The following CDC42EP4 variants were observed in gnomAD, a reference collection of about 807,000 sequenced individuals.
The protein encoded by CDC42EP4 is CDC42 effector protein 4, also known as CDC42 effector protein (Rho GTPase binding) 4.
CDC42EP4 carries 6 observed loss-of-function variants against 5.6 expected under a neutral mutation model. The observed-to-expected ratio is 1.07, with a 90% CI of 0.59 to 2.12. The LOEUF is 2.12. Ranked by LOEUF, CDC42EP4 falls within the 30% of genes most tolerant of loss-of-function variation. The probability of loss-of-function intolerance (pLI) is 0.00; values close to 1 mark genes in which losing one functional copy is unlikely to be tolerated. For synonymous variants in CDC42EP4, 230 were observed against 224.2 expected, an observed-to-expected ratio of 1.03 and a Z score of -0.23; for missense variants, 490 against 508.6, an observed-to-expected ratio of 0.96 and a Z score of 0.35.
At position 73,286,534 on chromosome 17, in the gene CDC42EP4, A is replaced by G. The variant is rs1481720605; in HGVS notation, c.-34T>C. The G allele has an allele frequency of 6.6e-7, 1 of 1,518,948 alleles. No homozygotes were observed. Among genetic ancestry groups the G allele is most frequent in the African/African-American group, 1.4e-5 (1 of 72,966 alleles). 94.1% of individuals were successfully genotyped at this position (1,518,948 alleles called of 1,614,324 possible). A position where few individuals can be genotyped will look rare whatever the true frequency, so the allele number is the denominator to read the frequency against. On this transcript the variant is annotated 5_prime_UTR_variant, in exon 2 of 2. Coordinates refer to ENST00000335793, the MANE Select transcript of CDC42EP4 (RefSeq NM_012121.5). The surrounding 1 kb of genome is among the most constrained non-coding windows in gnomAD (Gnocchi z 7.7). Reference sequence around the variant, plus strand: ...ATGGGCGGGGAGGTGGGCCCTCCCGAGGTAGCCGGCAGGTCTGGGGTCAGA... The same window carrying G: ...ATGGGCGGGGAGGTGGGCCCTCCCGGGGTAGCCGGCAGGTCTGGGGTCAGA...
At chr17:73,297,001 A>AAAAAAAAAAAACAAAAAAAAAACAC (rs547362762) in intron 1 of CDC42EP4, among the ~76,000 whole-genome samples, 1 of 61,734 alleles carries the variant, frequency 1.6e-5, no homozygotes, top group Non-Finnish European at 3.3e-5. Context: ...AAAAAAAAAA[A>AAAAAAAAAAAACAAAAAAAAAACAC]AAATACACAA....
chr17:73,289,852 GAAGA>G (rs966089123), intron 1 of CDC42EP4, among the ~76,000 whole-genome samples: 33 of 149,606 alleles, frequency 2.2e-4, no homozygotes, highest in African/African-American at 6.9e-4. Flanking sequence ...GAAAGGAAGA[GAAGA>G]AAGGAAGAAA....
At chr17:73,294,469 G>A (rs543451099) in intron 1 of CDC42EP4, among the ~76,000 whole-genome samples, 1 of 152,170 alleles carries the variant, frequency 6.6e-6, no homozygotes, top group South Asian at 2.1e-4. Flanking sequence ...AAATACCTGG[G>A]TGTGGAGGGA....
intron 1 of CDC42EP4, among the ~76,000 whole-genome samples, chr17:73,296,587 C>T (rs2062186960): frequency 6.6e-6 from 1 of 152,120 alleles, no homozygotes; most frequent in African/African-American, 2.4e-5. Context: ...TACCAAATGG[C>T]ATTAAATGGA....
intron 1 of CDC42EP4, among the ~76,000 whole-genome samples, chr17:73,289,899 AAAAG>A (rs1599430711): frequency 6.6e-6 from 1 of 152,088 alleles, no homozygotes; most frequent in African/African-American, 2.4e-5. Context: ...AAGAAAGAGA[AAAAG>A]AAGCAGCAGA....
chr17:73,303,497 AC>A (rs1387526571), intron 1 of CDC42EP4, among the ~76,000 whole-genome samples: 5 of 152,004 alleles, frequency 3.3e-5, no homozygotes, highest in Non-Finnish European at 7.4e-5. Context: ...CCCTGTCTCT[AC>A]TAAAAATACA....
rs137944704 is a variant in CDC42EP4 at position 73,297,323 on chromosome 17, A to C, written c.-112-10711T>G. Among the ~76,000 whole-genome samples, 609 of 148,998 alleles carry C rather than the reference A, an allele frequency of 4.1e-3. 3 individuals are homozygous for C. The highest frequency in any genetic ancestry group is 0.014 in the African/African-American group (562 of 40,286). ...AAAAAAAAAAAAACACACACACACA[A>C]ATTAGCCAGGTGTTGTGGCGCGTGC... On this transcript the variant is annotated intron_variant, in intron 1 of 1. Transcript: ENST00000335793.
intron 1 of CDC42EP4, among the ~76,000 whole-genome samples, chr17:73,307,521 C>G (rs2145329698): frequency 6.7e-6 from 1 of 150,200 alleles, no homozygotes; most frequent in African/African-American, 2.4e-5. Flanking sequence ...GATCTCGGCT[C>G]ACTGCAAGCT....
chr17:73,290,728 C>G (rs1309418647), intron 1 of CDC42EP4, among the ~76,000 whole-genome samples: 3 of 152,188 alleles, frequency 2.0e-5, no homozygotes, highest in African/African-American at 7.2e-5. Flanking sequence ...TGTGGATGGT[C>G]AGAACCGGGT....
chr17:73,293,590 G>A (rs1157082940), intron 1 of CDC42EP4, among the ~76,000 whole-genome samples: 1 of 152,176 alleles, frequency 6.6e-6, no homozygotes, highest in Non-Finnish European at 1.5e-5. Context: ...CCGAAACACA[G>A]GTGGCATTCT....
At chr17:73,290,557 G>T (rs1347008132) in intron 1 of CDC42EP4, among the ~76,000 whole-genome samples, 1 of 152,210 alleles carries the variant, frequency 6.6e-6, no homozygotes, top group Non-Finnish European at 1.5e-5. Flanking sequence ...CCACCCCCCA[G>T]TCACAACAAG....
In CDC42EP4 at chr17:73,286,398, G is replaced by GT; in HGVS notation, c.102_103insA (p.Arg35ThrfsTer21). On this transcript the variant is annotated frameshift_variant, in exon 2 of 2. Coordinates refer to ENST00000335793, the MANE Select transcript of CDC42EP4 (RefSeq NM_012121.5). LOFTEE classifies it low-confidence loss of function (END_TRUNC). This position sits in a 1 kb window ranked among gnomAD's most constrained non-coding sequence, Gnocchi z 7.7. ...GCCCGGCCAACGTGCATGGTGTGGC[G>GT]GAAGTCGCCCAGCGGGGCGCTGATC... The GT allele has an allele frequency of 6.2e-7, 1 of 1,613,960 alleles. No individual in the cohort carries two copies. Among genetic ancestry groups the GT allele is most frequent in the Non-Finnish European group, 8.5e-7 (1 of 1,179,994 alleles).
chr17:73,309,755 C>T (rs1433585203), intron 1 of CDC42EP4: 1 of 152,272 alleles, frequency 6.6e-6, no homozygotes, highest in East Asian at 1.9e-4. Context: ...TGAGACTCAC[C>T]CCAGAACCAC....
In CDC42EP4 at chr17:73,284,124, T is replaced by TG. The variant is rs2062116728; in HGVS notation, c.*1305dup. The TG allele has an allele frequency of 6.6e-6, 1 of 152,186 alleles. No individual in the cohort carries two copies. Among genetic ancestry groups the TG allele is most frequent in the Non-Finnish European group, 1.5e-5 (1 of 68,034 alleles). 9.4% of individuals were successfully genotyped at this position (152,186 alleles called of 1,614,324 possible). A position where few individuals can be genotyped will look rare whatever the true frequency, so the allele number is the denominator to read the frequency against. On this transcript the variant is annotated 3_prime_UTR_variant, in exon 2 of 2. Coordinates refer to ENST00000335793, the MANE Select transcript of CDC42EP4 (RefSeq NM_012121.5). Reference sequence around the variant, plus strand: ...TCACATAAGTGTTCCAAATATTGCGTGGGGCATATTAATGCTAGAAAATTA... The same window carrying TG: ...TCACATAAGTGTTCCAAATATTGCGTGGGGGCATATTAATGCTAGAAAATTA...
chr17:73,304,672 G>A (rs1211522428), intron 1 of CDC42EP4, among the ~76,000 whole-genome samples: 2 of 151,312 alleles, frequency 1.3e-5, no homozygotes, highest in African/African-American at 2.4e-5. Context: ...GGCGGGTGGT[G>A]CGAGGGGGAC....
chr17:73,300,180 C>A (rs2062210798), intron 1 of CDC42EP4, among the ~76,000 whole-genome samples: 1 of 152,214 alleles, frequency 6.6e-6, no homozygotes, highest in Non-Finnish European at 1.5e-5. Flanking sequence ...GGTGCCACTG[C>A]ACAGCCACCC....
chr17:73,307,128 T>A (rs1230900530), intron 1 of CDC42EP4: 1 of 152,172 alleles, frequency 6.6e-6, no homozygotes, highest in Admixed American at 6.5e-5. Flanking sequence ...AGCAGTTTCT[T>A]ACAGGTGGGG....
At chr17:73,287,980 A>G (rs2062142581) in intron 1 of CDC42EP4, among the ~76,000 whole-genome samples, 1 of 152,094 alleles carries the variant, frequency 6.6e-6, no homozygotes, top group South Asian at 2.1e-4. Context: ...TCCAATGACT[A>G]GTCCCCACCT....
intron 1 of CDC42EP4, among the ~76,000 whole-genome samples, chr17:73,299,444 TACACACACACAC>T (rs71154990): frequency 8.6e-5 from 11 of 127,972 alleles, no homozygotes; most frequent in South Asian, 5.3e-4. Context: ...AAAAAAAAAA[TACACACACACAC>T]ACACACACAC....
Sources: allele counts gnomAD v4.1 joint callset (sites outside exome capture counted in the v4.1 genomes callset), GRCh38; gene constraint gnomAD v4.1.1; non-coding constraint Gnocchi (gnomAD v3.1); transcripts MANE v1.5; gene names NCBI Gene and HGNC (gene_info 2026-07-23, HGNC 2026-07-21).